FTCDNL1: variants seen among roughly 807,000 people sequenced by gnomAD.
FTCDNL1 encodes the protein formiminotransferase N-terminal subdomain-containing protein.
FTCDNL1 carries 11 observed loss-of-function variants against 5.9 expected under a neutral mutation model. The ratio of observed to expected loss-of-function variants is 1.87; its 90% CI spans 1.18 to 3.10. FTCDNL1 has a LOEUF of 3.10. Among genes scored for constraint, FTCDNL1 ranks in the 30% most tolerant of loss-of-function variants. The probability of loss-of-function intolerance (pLI) is 0.00; values close to 1 mark genes in which losing one functional copy is unlikely to be tolerated. For missense variants in FTCDNL1, 115 were observed against 65.5 expected (o/e 1.76, Z -2.61); for synonymous variants, 58 against 24.8 (o/e 2.34, Z -3.99).
At chr2:199,825,639 C>T (rs1296965335) in intron 3 of FTCDNL1, among the ~76,000 whole-genome samples, 1 of 152,174 alleles carries the variant, frequency 6.6e-6, no homozygotes, top group Admixed American at 6.5e-5. Flanking sequence ...GAGCCAGCAT[C>T]TCTCTTGCTC....
intron 3 of FTCDNL1, among the ~76,000 whole-genome samples, chr2:199,765,560 T>A (rs865798627): frequency 1.4e-4 from 12 of 85,020 alleles, no homozygotes; most frequent in South Asian, 5.3e-4. Flanking sequence ...ATATATATTT[T>A]TTTTTTTTTT....
chr2:199,787,342 C>T (rs1699709112), intron 3 of FTCDNL1, among the ~76,000 whole-genome samples: 1 of 152,020 alleles, frequency 6.6e-6, no homozygotes, highest in Non-Finnish European at 1.5e-5. Flanking sequence ...ACTACCACGC[C>T]CAGCTAATTT....
At chr2:199,824,936 G>A (rs1701933885) in intron 3 of FTCDNL1, among the ~76,000 whole-genome samples, 1 of 152,036 alleles carries the variant, frequency 6.6e-6, no homozygotes, top group African/African-American at 2.4e-5. Flanking sequence ...TCAGGAGTTA[G>A]AGACCAACCT....
At position 199,812,053 on chromosome 2, in the gene FTCDNL1, GA is replaced by G. The variant is rs1415792111; in HGVS notation, c.*651del. Among the ~76,000 whole-genome samples the G allele has an allele frequency of 6.6e-6, 1 of 152,086 alleles. No homozygotes were observed. The highest frequency in any genetic ancestry group is 1.5e-5 in the Non-Finnish European group (1 of 68,004). On this transcript the variant is annotated 3_prime_UTR_variant, in exon 5 of 5. Transcript: ENST00000420128. ...AAATAAGAGGTAATCACTTAACACA[GA>G]ATAATCATTTTTCAAACAGACCCTT...
chr2:199,815,613 A>C (rs1040637969), intron 4 of FTCDNL1, among the ~76,000 whole-genome samples: 7 of 152,210 alleles, frequency 4.6e-5, no homozygotes, highest in Non-Finnish European at 8.8e-5. Context: ...TATTGTTGGG[A>C]ACCAAATTCA....
At chr2:199,822,044 C>G (rs928202804) in intron 3 of FTCDNL1, among the ~76,000 whole-genome samples, 30 of 152,268 alleles carry the variant, frequency 2.0e-4, no homozygotes, top group Admixed American at 1.1e-3. Flanking sequence ...TTATATTATA[C>G]TGTAATCTCT....
the FTCDNL1 span, among the ~76,000 whole-genome samples, chr2:199,715,557 T>C: frequency 6.6e-6 from 1 of 152,212 alleles, no homozygotes; most frequent in African/African-American, 2.4e-5. Flanking sequence ...TGTAAGTCCA[T>C]CAAACTTCTT....
At chr2:199,664,552 A>G in the FTCDNL1 span, among the ~76,000 whole-genome samples, 2 of 152,230 alleles carry the variant, frequency 1.3e-5, no homozygotes, top group African/African-American at 4.8e-5. Context: ...CCATTATAAT[A>G]CTATACTTTT....
intron 3 of FTCDNL1, among the ~76,000 whole-genome samples, chr2:199,786,902 G>A (rs1699679379): frequency 6.6e-6 from 1 of 152,174 alleles, no homozygotes; most frequent in Admixed American, 6.5e-5. Context: ...GGTGTCACCT[G>A]GGCTCCATTC....
the FTCDNL1 span, among the ~76,000 whole-genome samples, chr2:199,701,299 T>TAAAAAAAA: frequency 1.4e-5 from 1 of 72,354 alleles, no homozygotes; most frequent in African/African-American, 4.5e-5. Context: ...CTTGAAAGTT[T>TAAAAAAAA]AAAAAAAAAA....
chr2:199,683,316 A>T, the FTCDNL1 span, among the ~76,000 whole-genome samples: 99,536 of 151,874 alleles, frequency 0.66, 36,141 homozygotes, highest in South Asian at 0.9. Flanking sequence ...AGGACAAATG[A>T]CTATTATAAG....
At chr2:199,688,971 C>G in the FTCDNL1 span, among the ~76,000 whole-genome samples, 1 of 152,198 alleles carries the variant, frequency 6.6e-6, no homozygotes, top group African/African-American at 2.4e-5. Context: ...ATCGCTTCAA[C>G]CTTGGAGGCA....
intron 3 of FTCDNL1, among the ~76,000 whole-genome samples, chr2:199,823,685 C>T (rs1394325139): frequency 6.6e-6 from 1 of 152,152 alleles, no homozygotes; most frequent in East Asian, 1.9e-4. Flanking sequence ...ATTCAGTAAA[C>T]CATGCTGTAA....
intron 3 of FTCDNL1, among the ~76,000 whole-genome samples, chr2:199,826,434 A>G (rs1702036357): frequency 1.0e-5 from 1 of 99,764 alleles, no homozygotes; most frequent in Non-Finnish European, 2.0e-5. Context: ...GAAAAGAAAG[A>G]AAAAAAAAAA....
At chr2:199,720,175 A>T in the FTCDNL1 span, among the ~76,000 whole-genome samples, 1 of 152,194 alleles carries the variant, frequency 6.6e-6, no homozygotes. Context: ...AACAGGGATA[A>T]TGCGATTTCC....
At chr2:199,701,218 G>A in the FTCDNL1 span, among the ~76,000 whole-genome samples, 866 of 147,960 alleles carry the variant, frequency 5.9e-3, 6 homozygotes, top group Non-Finnish European at 9.1e-3. Flanking sequence ...GCTCAACGTC[G>A]CTAATCATTA....
chr2:199,826,267 A>C (rs2106549476), intron 3 of FTCDNL1, among the ~76,000 whole-genome samples: 1 of 152,318 alleles, frequency 6.6e-6, no homozygotes, highest in South Asian at 2.1e-4. Flanking sequence ...TGGAGATTCA[A>C]GGGCAGGGGT....
At chr2:199,806,580 C>T (rs1265507223), downstream of FTCDNL1, among the ~76,000 whole-genome samples, 3 of 152,082 alleles carry the variant, frequency 2.0e-5, no homozygotes, top group African/African-American at 7.2e-5. Context: ...ACTTCCAAGA[C>T]AGTACAAACC....
chr2:199,822,915 A>T (rs1701787237), intron 3 of FTCDNL1, among the ~76,000 whole-genome samples: 1 of 152,194 alleles, frequency 6.6e-6, no homozygotes, highest in Non-Finnish European at 1.5e-5. Context: ...CACTGGCATG[A>T]TGTATGCTCA....
Sources: gnomAD v4.1 joint callset for allele counts (sites outside exome capture counted in the v4.1 genomes callset) on GRCh38, gnomAD v4.1.1 for gene constraint, MANE v1.5 for transcripts, NCBI Gene and HGNC (gene_info 2026-07-23, HGNC 2026-07-21) for gene names.